Variants in CADPS2 observed in about 807,000 individuals in gnomAD.
CADPS2 encodes calcium-dependent secretion activator 2.
CADPS2 carries 93 observed loss-of-function variants against 172.5 expected under a neutral mutation model. That is an observed-to-expected ratio of 0.54 (90% CI 0.46 to 0.64). The LOEUF (loss-of-function observed/expected upper bound fraction) is 0.64, where lower values mean the gene tolerates loss of function less well. CADPS2 is among the 30% of genes least tolerant of loss of function. CADPS2 has a pLI of 0.00. For synonymous variants in CADPS2, 546 were observed against 555.2 expected (o/e 0.98, Z 0.23); for missense variants, 1,420 against 1,565.9 (o/e 0.91, Z 1.57).
chr7:122,382,045 G>A (rs561444828), intron 24 of CADPS2, among the ~76,000 whole-genome samples: 12 of 152,160 alleles, frequency 7.9e-5, no homozygotes, highest in Admixed American at 2.6e-4. Context: ...AAGATGGCCC[G>A]AGAATTCCCA....
chr7:122,366,151 C>A (rs2040814771), intron 25 of CADPS2, among the ~76,000 whole-genome samples: 1 of 150,412 alleles, frequency 6.6e-6, no homozygotes, highest in Non-Finnish European at 1.5e-5. Context: ...AAAATCTGCA[C>A]ATGTACTCCA....
intron 3 of CADPS2, among the ~76,000 whole-genome samples, chr7:122,653,487 T>C (rs2079399948): frequency 6.6e-6 from 1 of 152,236 alleles, no homozygotes; most frequent in Non-Finnish European, 1.5e-5. Flanking sequence ...CTGTGATTTC[T>C]ATTGCTTTGC....
intron 20 of CADPS2, among the ~76,000 whole-genome samples, chr7:122,399,594 G>A (rs2045621024): frequency 6.9e-6 from 1 of 144,440 alleles, no homozygotes; most frequent in Admixed American, 7.0e-5. Flanking sequence ...CACAATACTT[G>A]CCCCATCAAT....
intron 1 of CADPS2, among the ~76,000 whole-genome samples, chr7:122,828,109 G>A (rs542881153): frequency 6.6e-6 from 1 of 152,118 alleles, no homozygotes; most frequent in South Asian, 2.1e-4. Context: ...TATCCATTTA[G>A]GATCATCATG....
chr7:122,463,870 G>A (rs949265839), intron 14 of CADPS2, among the ~76,000 whole-genome samples: 15 of 152,142 alleles, frequency 9.9e-5, no homozygotes, highest in Admixed American at 2.6e-4. Context: ...GAAAAGATAA[G>A]TTAAAGATAA....
intron 2 of CADPS2, among the ~76,000 whole-genome samples, chr7:122,683,932 C>T (rs1000799428): frequency 6.6e-6 from 1 of 151,858 alleles, no homozygotes; most frequent in East Asian, 1.9e-4. Flanking sequence ...TGTGAGCGTG[C>T]CCTGTGATGA....
chr7:122,449,031 T>G (rs2052686032), intron 15 of CADPS2, among the ~76,000 whole-genome samples: 1 of 152,204 alleles, frequency 6.6e-6, no homozygotes, highest in Non-Finnish European at 1.5e-5. Flanking sequence ...AAGAGAGCTG[T>G]GGCTACTGAA....
At chr7:122,661,050 T>C (rs1314386770) in intron 3 of CADPS2, among the ~76,000 whole-genome samples, 3 of 152,172 alleles carry the variant, frequency 2.0e-5, no homozygotes, top group Admixed American at 6.5e-5. Context: ...CTGGAGTGGC[T>C]GTATTAGCTT....
intron 10 of CADPS2, 53 bp downstream of exon 10, chr7:122,491,259 A>T: frequency 8.6e-7 from 1 of 1,163,490 alleles, no homozygotes; most frequent in African/African-American, 1.5e-5. Flanking sequence ...GGATATTTAT[A>T]AGAATTCCAT....
intron 1 of CADPS2, among the ~76,000 whole-genome samples, chr7:122,747,228 A>G (rs1242696807): frequency 6.6e-6 from 1 of 152,096 alleles, no homozygotes; most frequent in African/African-American, 2.4e-5. Flanking sequence ...CCACCCACTA[A>G]GATCTGACAA....
At chr7:122,435,809 T>C (rs914699204) in intron 17 of CADPS2, among the ~76,000 whole-genome samples, 2 of 152,064 alleles carry the variant, frequency 1.3e-5, no homozygotes, top group Non-Finnish European at 2.9e-5. Flanking sequence ...ATACATACAA[T>C]AGAATATTAT....
At chr7:122,593,092 G>C (rs556591588) in intron 6 of CADPS2, among the ~76,000 whole-genome samples, 1 of 152,026 alleles carries the variant, frequency 6.6e-6, no homozygotes, top group Non-Finnish European at 1.5e-5. Flanking sequence ...ATGCAATACA[G>C]TGAGGACAAT....
chr7:122,799,315 T>TTTA (rs1243141680), intron 1 of CADPS2, among the ~76,000 whole-genome samples: 4 of 152,196 alleles, frequency 2.6e-5, no homozygotes, highest in Admixed American at 2.6e-4. Context: ...TATAGCTATG[T>TTTA]AGGGCTGGGC....
chr7:122,554,021 C>T (rs1341301378), intron 8 of CADPS2, among the ~76,000 whole-genome samples: 2 of 152,070 alleles, frequency 1.3e-5, no homozygotes, highest in Non-Finnish European at 2.9e-5. Flanking sequence ...AGGAGACAGT[C>T]CCTGCATTTC....
In CADPS2 at chr7:122,735,242, C is replaced by T. The variant is rs1403917740; in HGVS notation, c.453+1713G>A. On this transcript the variant is annotated intron_variant, in intron 2 of 29. Transcript: ENST00000449022. ...AGATATATTAGGTTGAAATCTTCCC[C>T]ACTTCAGTTTCCACCCAAGTCCTAG... 5.9e-5 allele frequency among the ~76,000 whole-genome samples: 9 copies of T among 152,246 alleles called. No homozygotes were observed. In the South Asian group the frequency reaches 1.9e-3, roughly 32 times the overall value.
intron 28 of CADPS2, among the ~76,000 whole-genome samples, chr7:122,328,226 C>T (rs1329597681): frequency 6.6e-6 from 1 of 151,824 alleles, no homozygotes; most frequent in Non-Finnish European, 1.5e-5. Context: ...TTTCTTATTT[C>T]TAGTGCTGGG....
At chr7:122,405,444 C>T (rs983667698) in intron 20 of CADPS2, among the ~76,000 whole-genome samples, 2 of 152,126 alleles carry the variant, frequency 1.3e-5, no homozygotes, top group Non-Finnish European at 2.9e-5. Flanking sequence ...AGGTGGATCA[C>T]TTGAGGTCAG....
chr7:122,692,495 C>A (rs184262569), intron 2 of CADPS2, among the ~76,000 whole-genome samples: 10 of 152,332 alleles, frequency 6.6e-5, no homozygotes, highest in African/African-American at 2.4e-4. Context: ...TGCTTCAGTA[C>A]CTTCTCCACA....
chr7:122,836,198 G>A (rs1808356137), intron 1 of CADPS2, among the ~76,000 whole-genome samples: 1 of 152,058 alleles, frequency 6.6e-6, no homozygotes, highest in Non-Finnish European at 1.5e-5. Flanking sequence ...AAGTGAAGGA[G>A]AAATAAAATC....
Sources: allele counts gnomAD v4.1 joint callset (sites outside exome capture counted in the v4.1 genomes callset), GRCh38; gene constraint gnomAD v4.1.1; transcripts MANE v1.5; gene names NCBI Gene and HGNC (gene_info 2026-07-23, HGNC 2026-07-21).